The following IL18R1 variants were observed in gnomAD, a reference collection of about 807,000 sequenced individuals.
IL18R1 encodes the protein interleukin-18 receptor 1.
A neutral mutation model predicts 48.5 loss-of-function variants in IL18R1; 40 were observed. That is an observed-to-expected ratio of 0.82 (90% CI 0.64 to 1.07). IL18R1 has a LOEUF of 1.07. IL18R1 is among the 50% of genes least tolerant of loss of function. The pLI, the probability that IL18R1 is intolerant of heterozygous loss-of-function variation, is 0.00. For synonymous variants in IL18R1, 232 were observed against 225.9 expected, an observed-to-expected ratio of 1.03 and a Z score of -0.24; for missense variants, 596 against 633.7, an observed-to-expected ratio of 0.94 and a Z score of 0.64.
intron 4 of IL18R1, among the ~76,000 whole-genome samples, chr2:102,372,543 T>C (rs1233988336): frequency 6.6e-6 from 1 of 152,222 alleles, no homozygotes; most frequent in African/African-American, 2.4e-5. Context: ...TTATAATATT[T>C]TAACTTTAAA....
In IL18R1 at chr2:102,397,090, C is replaced by A; in HGVS notation, c.*204C>A. 4.1e-6 allele frequency: 2 copies of A among 486,768 alleles called. No homozygotes were observed. The highest frequency in any genetic ancestry group is 7.2e-6 in the Non-Finnish European group (2 of 278,436). The allele number at this position is 486,768 out of a possible 1,614,324, so 30.2% of individuals were successfully genotyped here. A position where few individuals can be genotyped will look rare whatever the true frequency, so the allele number is the denominator to read the frequency against. On this transcript the variant is annotated 3_prime_UTR_variant, in exon 11 of 11. Transcript: ENST00000233957. ...GCTGTGGTCACGTGCTCCCAGAAGACCTGGAATTCAAAAGAAATGGAGCTA... is the reference window on the plus strand; with the variant it reads ...GCTGTGGTCACGTGCTCCCAGAAGAACTGGAATTCAAAAGAAATGGAGCTA...
At chr2:102,383,718 A>G (rs1463376320) in intron 6 of IL18R1, among the ~76,000 whole-genome samples, 1 of 152,102 alleles carries the variant, frequency 6.6e-6, no homozygotes, top group African/African-American at 2.4e-5. Flanking sequence ...TTTTTGAAAT[A>G]TGGTCAGTAT....
In IL18R1 at chr2:102,375,940, A is replaced by G; in HGVS notation, c.502A>G (p.Asn168Asp). Residue 168 changes from asparagine to aspartate, a missense_variant, in exon 5 of 11, where the codon AAC (asparagine) becomes GAC (aspartate). By Grantham distance (23) the Asn-to-Asp change is conservative (BLOSUM62 1). This residue lies in a region of IL18R1 where 360 missense variants were observed against 339.4 expected (regional missense o/e 1.06). Coordinates refer to ENST00000233957, the MANE Select transcript of IL18R1 (RefSeq NM_003855.5). ...CKKLLLENNKNPTIKKNAEFE... is the reference protein window; with the variant it reads ...CKKLLLENNKDPTIKKNAEFE... Reference sequence around the variant, plus strand: ...AAAGCTACTACTGGAGAACAATAAAAACCCAACGATAAAGAAGAACGCCGA... The same window carrying G: ...AAAGCTACTACTGGAGAACAATAAAGACCCAACGATAAAGAAGAACGCCGA... The G allele has an allele frequency of 6.3e-7, 1 of 1,599,994 alleles. No homozygotes were observed. The highest frequency in any genetic ancestry group is 8.5e-7 in the Non-Finnish European group (1 of 1,175,732).
chr2:102,378,464 C>A (rs1478182932), intron 5 of IL18R1, among the ~76,000 whole-genome samples: 2 of 152,220 alleles, frequency 1.3e-5, no homozygotes, highest in African/African-American at 4.8e-5. Context: ...ACCTCACCTG[C>A]AGCACAAGCT....
At chr2:102,368,728 C>T (rs1407832418) in intron 3 of IL18R1, among the ~76,000 whole-genome samples, 1 of 152,204 alleles carries the variant, frequency 6.6e-6, no homozygotes, top group Non-Finnish European at 1.5e-5. Context: ...GCATCACCCA[C>T]ACTTACCGAA....
Position 102,356,270 on chromosome 2 carries a change from C to T in IL18R1, c.-159C>T. The T allele has an allele frequency of 1.2e-6, 1 of 849,662 alleles. No homozygotes were observed. The highest frequency in any genetic ancestry group is 1.4e-6 in the Non-Finnish European group (1 of 707,400). The allele number at this position is 849,662 out of a possible 1,614,324, so 52.6% of individuals were successfully genotyped here. A position where few individuals can be genotyped will look rare whatever the true frequency, so the allele number is the denominator to read the frequency against. ...TCTCTTTAATCACACCTCTCTTTCACTTTCCACGGTAGTCAGGAGGCGGAG... is the reference window on the plus strand; with the variant it reads ...TCTCTTTAATCACACCTCTCTTTCATTTTCCACGGTAGTCAGGAGGCGGAG... On this transcript the variant is annotated 5_prime_UTR_variant, in exon 1 of 11. Transcript: ENST00000233957.
Position 102,396,774 on chromosome 2 carries a change from C to A in IL18R1, c.1514C>A (p.Ser505Tyr), listed in dbSNP as rs145995662. ...HRVLKWKADKSLSYNSRFWKN... is the reference protein window; with the variant it reads ...HRVLKWKADKYLSYNSRFWKN... ...GTTCTGAAGTGGAAGGCCGATAAAT[C>A]TCTTTCTTATAACTCAAGGTTCTGG... The change falls in exon 11 of 11, where the codon TCT becomes TAT. Residue 505 changes from serine (S) to tyrosine (Y), a missense_variant. Coordinates refer to ENST00000233957, the MANE Select transcript of IL18R1 (RefSeq NM_003855.5). 328 of 1,614,058 alleles carry A rather than the reference C, an allele frequency of 2.0e-4. No homozygotes were observed. In the African/African-American group the frequency reaches 3.4e-3, roughly 17 times the overall value.
At chr2:102,379,438 C>T (rs868404244) in intron 5 of IL18R1, among the ~76,000 whole-genome samples, 9 of 114,040 alleles carry the variant, frequency 7.9e-5, no homozygotes, top group Non-Finnish European at 1.2e-4. Context: ...GAGCAAGACT[C>T]GGTCTCAAAA....
chr2:102,393,765 C>T (rs981493029), intron 9 of IL18R1, among the ~76,000 whole-genome samples: 3 of 152,194 alleles, frequency 2.0e-5, no homozygotes. Context: ...CTACAGATCC[C>T]AATTAGCATC....
At chr2:102,369,123 A>G (rs915682815) in intron 3 of IL18R1, among the ~76,000 whole-genome samples, 4 of 152,234 alleles carry the variant, frequency 2.6e-5, no homozygotes, top group Non-Finnish European at 4.4e-5. Flanking sequence ...GGGATTTTTC[A>G]TAACAAGCTA....
chr2:102,370,899 A>G (rs1398588756), intron 3 of IL18R1, among the ~76,000 whole-genome samples: 2 of 152,234 alleles, frequency 1.3e-5, no homozygotes, highest in Non-Finnish European at 2.9e-5. Flanking sequence ...GGCATAGAGG[A>G]TAACTTAAAA....
rs761802759 is a variant in IL18R1, at chr2:102,381,626, G to T, written c.632G>T (p.Ser211Ile). 6.8e-6 allele frequency: 11 copies of T among 1,612,620 alleles called. No homozygotes were observed. The South Asian group carries it at 1.2e-4, about 18-fold the overall frequency. ...TTTCTTTTGTCACTTCTAGATCGCA[G>T]TAATATAGTTCCGGTTCTTCTTGGA... ...TFNITIVEDR[S>I]NIVPVLLGPK... The change falls in exon 6 of 11, where the codon AGT becomes ATT. Residue 211 changes from serine to isoleucine, a missense_variant. Physicochemically the swap from Ser to Ile is moderately radical, Grantham distance 142. Transcript: ENST00000233957.
chr2:102,397,651 G>A lies in IL18R1; in HGVS notation c.*765G>A, dbSNP rs1680892102. On this transcript the variant is annotated 3_prime_UTR_variant, in exon 11 of 11. Coordinates refer to ENST00000233957, the MANE Select transcript of IL18R1 (RefSeq NM_003855.5). ...TCTGAAACATTTGTTGATTTTGTGT[G>A]AATGTTTATATCAAAATGTTTGCCA... 6.6e-6 allele frequency: 1 copy of A among 152,356 alleles called. No individual in the cohort carries two copies. The highest frequency in any genetic ancestry group is 2.4e-5 in the African/African-American group (1 of 41,450). The allele number at this position is 152,356 out of a possible 1,614,324, so 9.4% of individuals were successfully genotyped here.
chr2:102,389,207 CATAAT>C (rs1398140431), intron 8 of IL18R1, among the ~76,000 whole-genome samples: 4 of 152,122 alleles, frequency 2.6e-5, no homozygotes, highest in South Asian at 2.1e-4. Flanking sequence ...CTGAAATGCT[CATAAT>C]ATAATATTCA....
chr2:102,359,758 G>A (rs1447980046), intron 1 of IL18R1, among the ~76,000 whole-genome samples: 5 of 152,210 alleles, frequency 3.3e-5, no homozygotes, highest in African/African-American at 4.8e-5. Flanking sequence ...TTGTCAGCAT[G>A]CATCTGTCAG....
Position 102,384,961 on chromosome 2 carries a change from G to A in IL18R1, c.772G>A (p.Asp258Asn). Residue 258 changes from aspartate to asparagine, a missense_variant, in exon 7 of 11, where the codon GAT (aspartate) becomes AAT (asparagine). Around this residue, in one of 3 missense-constraint regions of IL18R1, gnomAD observed 360 missense variants for 339.4 expected, o/e 1.06. Coordinates refer to ENST00000233957, the MANE Select transcript of IL18R1 (RefSeq NM_003855.5). ...GATGTTCGGGGAAGAAAATGGATCG[G>A]ATCCTAATATACATGAAGAGAAAGA... Reference protein sequence around the residue: ...YWMFGEENGSDPNIHEEKEMR... With the variant: ...YWMFGEENGSNPNIHEEKEMR... 1.2e-6 allele frequency: 2 copies of A among 1,604,602 alleles called. No homozygotes were observed. The highest frequency in any genetic ancestry group is 2.2e-5 in the South Asian group (2 of 90,618).
chr2:102,376,091 A>C, intron 5 of IL18R1, 28 bp downstream of exon 5: 1 of 1,524,480 alleles, frequency 6.6e-7, no homozygotes, highest in Non-Finnish European at 8.8e-7. Context: ...ATTGGGAAGA[A>C]ACAGACGTAT....
chr2:102,378,711 A>G (rs539031787), intron 5 of IL18R1, among the ~76,000 whole-genome samples: 5 of 152,338 alleles, frequency 3.3e-5, no homozygotes, highest in East Asian at 1.9e-4. Context: ...GATACCTACA[A>G]TTGGCACTTG....
intron 7 of IL18R1, among the ~76,000 whole-genome samples, chr2:102,386,642 A>G (rs1293886830): frequency 6.6e-6 from 1 of 152,208 alleles, no homozygotes; most frequent in African/African-American, 2.4e-5. Context: ...AATTGACAGC[A>G]CCATTCCCAA....
Sources: allele counts gnomAD v4.1 joint callset (sites outside exome capture counted in the v4.1 genomes callset), GRCh38; gene constraint gnomAD v4.1.1; regional missense constraint gnomAD v4.1.1; transcripts MANE v1.5; gene names NCBI Gene and HGNC (gene_info 2026-07-23, HGNC 2026-07-21).